PDE1A: variants seen among roughly 807,000 people sequenced by gnomAD.
PDE1A encodes the protein dual specificity calcium/calmodulin-dependent 3',5'-cyclic nucleotide phosphodiesterase 1A.
In PDE1A, 35 loss-of-function variants were observed where a neutral mutation model predicts 61.7. The observed-to-expected ratio is 0.57, with a 90% CI of 0.43 to 0.75. The LOEUF is 0.75. PDE1A is among the 30% of genes least tolerant of loss of function. The probability of loss-of-function intolerance (pLI) is 0.00; values close to 1 mark genes in which losing one functional copy is unlikely to be tolerated. For synonymous variants in PDE1A, 232 were observed against 213.2 expected (o/e 1.09, Z -0.77); for missense variants, 597 against 630.6 (o/e 0.95, Z 0.57).
intron 2 of PDE1A, among the ~76,000 whole-genome samples, chr2:182,462,189 A>G (rs1686339849): frequency 1.3e-5 from 2 of 152,168 alleles, no homozygotes; most frequent in South Asian, 4.2e-4. Flanking sequence ...AAGCATTAGG[A>G]GATATACCTA....
At chr2:182,689,763 A>G in the PDE1A span, among the ~76,000 whole-genome samples, 1 of 152,230 alleles carries the variant, frequency 6.6e-6, no homozygotes, top group South Asian at 2.1e-4. Context: ...AAAGATCAAC[A>G]AAATTGATAG....
intron 1 of PDE1A, among the ~76,000 whole-genome samples, chr2:182,274,841 T>A (rs898059955): frequency 2.0e-5 from 3 of 152,130 alleles, no homozygotes; most frequent in African/African-American, 7.2e-5. Flanking sequence ...TCTCTCAGAA[T>A]CATTGTAAAT....
intron 4 of PDE1A, among the ~76,000 whole-genome samples, chr2:182,234,109 T>C (rs1430456588): frequency 6.6e-6 from 1 of 152,200 alleles, no homozygotes; most frequent in African/African-American, 2.4e-5. Flanking sequence ...TAACAAAATA[T>C]GTACATTTTG....
intron 1 of PDE1A, among the ~76,000 whole-genome samples, chr2:182,269,756 A>G (rs558552576): frequency 2.6e-5 from 4 of 152,220 alleles, no homozygotes; most frequent in Admixed American, 6.5e-5. Flanking sequence ...ATCAGGGAAG[A>G]AGAGGTTCAA....
exon 11 of PDE1A, chr2:182,189,016 A>G: frequency 6.2e-7 from 1 of 1,613,424 alleles, no homozygotes; most frequent in Admixed American, 1.7e-5. Context: ...ACTTCCGATC[A>G]CAAAGTGGGG....
the PDE1A span, among the ~76,000 whole-genome samples, chr2:182,531,619 C>T: frequency 1.3e-5 from 2 of 152,212 alleles, no homozygotes; most frequent in East Asian, 3.9e-4. Context: ...ATGTATTCTA[C>T]AAGATTTTCA....
chr2:182,343,261 C>T (rs1446399616), intron 1 of PDE1A, among the ~76,000 whole-genome samples: 1 of 152,186 alleles, frequency 6.6e-6, no homozygotes, highest in Non-Finnish European at 1.5e-5. Context: ...GGAAATTTAA[C>T]ATTAAGCAGG....
At chr2:182,466,200 A>G (rs780637732) in intron 2 of PDE1A, among the ~76,000 whole-genome samples, 3 of 151,994 alleles carry the variant, frequency 2.0e-5, no homozygotes, top group Non-Finnish European at 4.4e-5. Context: ...TCTTGTACTT[A>G]CCACAAGTTT....
chr2:182,438,775 G>A (rs1684605695), intron 2 of PDE1A, among the ~76,000 whole-genome samples: 1 of 151,988 alleles, frequency 6.6e-6, no homozygotes, highest in Admixed American at 6.6e-5. Context: ...ATGCCATACT[G>A]AAGAGCTGAG....
chr2:182,454,702 A>AACTG (rs1685776615), intron 2 of PDE1A, among the ~76,000 whole-genome samples: 1 of 151,842 alleles, frequency 6.6e-6, no homozygotes, highest in South Asian at 2.1e-4. Context: ...GTGCTGGGAA[A>AACTG]ACTGGCTAGC....
At chr2:182,672,005 C>T in the PDE1A span, among the ~76,000 whole-genome samples, 3 of 152,092 alleles carry the variant, frequency 2.0e-5, no homozygotes, top group Non-Finnish European at 2.9e-5. Context: ...GAATTCTGCC[C>T]GCTAAACCTC....
chr2:182,313,291 G>A (rs538605837), intron 1 of PDE1A, among the ~76,000 whole-genome samples: 18 of 152,188 alleles, frequency 1.2e-4, no homozygotes, highest in African/African-American at 2.6e-4. Flanking sequence ...GTGGGCACCC[G>A]TAATCCCAGC....
exon 11 of PDE1A, chr2:182,188,984 T>A: frequency 6.2e-7 from 1 of 1,609,420 alleles, no homozygotes; most frequent in African/African-American, 1.3e-5. Flanking sequence ...ATTACCTATT[T>A]GTGACTGGGC....
intron 1 of PDE1A, among the ~76,000 whole-genome samples, chr2:182,374,761 C>A (rs1004662833): frequency 6.6e-6 from 1 of 152,114 alleles, no homozygotes; most frequent in East Asian, 1.9e-4. Flanking sequence ...CAAATTAAAT[C>A]CAATGATTTA....
the PDE1A span, among the ~76,000 whole-genome samples, chr2:182,563,813 C>G: frequency 2.5e-3 from 378 of 152,188 alleles, 1 homozygote; most frequent in Non-Finnish European, 2.0e-3. Flanking sequence ...TTAGGTAATG[C>G]CCTTCTTTGT....
chr2:182,492,654 C>T (rs1484212342), intron 2 of PDE1A, among the ~76,000 whole-genome samples: 1 of 152,166 alleles, frequency 6.6e-6, no homozygotes, highest in Non-Finnish European at 1.5e-5. Context: ...AAATATTCAC[C>T]TTGTGAATTA....
At chr2:182,230,230 T>C in intron 5 of PDE1A, 84 bp from the exon 6 acceptor site, 1 of 1,049,700 alleles carries the variant, frequency 9.5e-7, no homozygotes, top group Non-Finnish European at 1.4e-6. Flanking sequence ...ATGGAACATA[T>C]TAGTGAGTCA....
chr2:182,597,015 C>T, the PDE1A span, among the ~76,000 whole-genome samples: 4 of 151,438 alleles, frequency 2.6e-5, no homozygotes, highest in Non-Finnish European at 4.4e-5. Context: ...TAGGTGGGCA[C>T]AGTGTTGAAT....
At chr2:182,527,347 TATATATATATATATATATATATATATAC>T (rs1559543472), upstream of PDE1A, among the ~76,000 whole-genome samples, 469 of 62,730 alleles carry the variant, frequency 7.5e-3, 14 homozygotes, top group African/African-American at 0.021. Flanking sequence ...TATATATATA[TATATATATATATATATATATATATATAC>T]ACATATATAT....
Sources: gnomAD v4.1 joint callset for allele counts (sites outside exome capture counted in the v4.1 genomes callset) on GRCh38, gnomAD v4.1.1 for gene constraint, MANE v1.5 for transcripts, NCBI Gene and HGNC (gene_info 2026-07-23, HGNC 2026-07-21) for gene names.